Variants in L3MBTL3 observed in about 807,000 individuals in gnomAD.
L3MBTL3 encodes the protein lethal(3)malignant brain tumor-like protein 3.
In L3MBTL3, 27 loss-of-function variants were observed where a neutral mutation model predicts 102.3. The ratio of observed to expected loss-of-function variants is 0.26; its 90% CI spans 0.19 to 0.36. The LOEUF is 0.36. Ranked by LOEUF, L3MBTL3 falls within the 10% of genes least tolerant of loss-of-function variation. The probability of loss-of-function intolerance (pLI) is 1.00; values close to 1 mark genes in which losing one functional copy is unlikely to be tolerated. For missense variants in L3MBTL3, 798 were observed against 955.3 expected, an observed-to-expected ratio of 0.84 and a Z score of 2.17; for synonymous variants, 340 against 320.9, an observed-to-expected ratio of 1.06 and a Z score of -0.64.
At position 130,094,358 on chromosome 6, in the gene L3MBTL3, G is replaced by T; in HGVS notation, c.1727G>T (p.Gly576Val). 6.2e-7 allele frequency: 1 copy of T among 1,612,756 alleles called. No homozygotes were observed. Among genetic ancestry groups the T allele is most frequent in the African/African-American group, 1.3e-5 (1 of 75,008 alleles). The change falls in exon 18 of 23, where the codon GGC (glycine) becomes GTC (valine). Residue 576 changes from glycine (G) to valine (V), a missense_variant. By Grantham distance (109) the Gly-to-Val change is moderately radical. Coordinates refer to ENST00000361794, the MANE Select transcript of L3MBTL3 (RefSeq NM_032438.4). Reference sequence around the variant, plus strand: ...CATTTCAAGAGAGCGAGACATCTGGGCCCTCACAGGTATGTGGTAGCTGTC... The same window carrying T: ...CATTTCAAGAGAGCGAGACATCTGGTCCCTCACAGGTATGTGGTAGCTGTC... Reference protein sequence around the residue: ...IGHFKRARHLGPHSAANCPYS... With the variant: ...IGHFKRARHLVPHSAANCPYS...
intron 16 of L3MBTL3, among the ~76,000 whole-genome samples, chr6:130,086,452 T>C (rs1584401825): frequency 6.6e-6 from 1 of 152,354 alleles, no homozygotes. Flanking sequence ...TCTTTAGTTA[T>C]GAATGACTTA....
intron 10 of L3MBTL3, among the ~76,000 whole-genome samples, chr6:130,062,771 A>G (rs1781983584): frequency 6.6e-6 from 1 of 150,752 alleles, no homozygotes; most frequent in Non-Finnish European, 1.5e-5. Context: ...CTCATATTGA[A>G]CAACTGAGTG....
rs911501296 is a variant in L3MBTL3 at position 130,133,662 on chromosome 6, A to T, written c.2136+41A>T. On this transcript the variant is annotated intron_variant, in intron 21 of 22. Transcript: ENST00000361794. This position sits in a 1 kb window ranked among gnomAD's most constrained non-coding sequence, Gnocchi z 4.9. ...TTTGCTGCCCGACACCAGATACAGG[A>T]TTACTGGCTTAAGAGGTGTGGAACA... 11 of 1,605,048 alleles carry T rather than the reference A, an allele frequency of 6.9e-6. No individual in the cohort carries two copies. In the Middle Eastern group the frequency reaches 4.9e-4, roughly 72 times the overall value.
In L3MBTL3 at chr6:130,083,668, C is replaced by T; in HGVS notation, c.1370C>T (p.Thr457Ile). The change falls in exon 15 of 23, where the codon ACC becomes ATC. Residue 457 changes from threonine (T) to isoleucine (I), a missense_variant. Physicochemically the swap from Thr to Ile is moderately conservative, Grantham distance 89. This residue lies in a region of L3MBTL3 where 306 missense variants were observed against 314.4 expected (regional missense o/e 0.97). Coordinates refer to ENST00000361794, the MANE Select transcript of L3MBTL3 (RefSeq NM_032438.4). The stretch of plus-strand genomic sequence containing the variant: ...TCTTGGGATAAATACTTAGAAGAAA[C>T]CAATTCTTTACCTGCTCCTGCAAGA... ...HFSWDKYLEE[T>I]NSLPAPARAF... 6.5e-7 allele frequency: 1 copy of T among 1,547,374 alleles called. No homozygotes were observed. Among genetic ancestry groups the T allele is most frequent in the South Asian group, 1.2e-5 (1 of 82,940 alleles).
intron 18 of L3MBTL3, among the ~76,000 whole-genome samples, chr6:130,097,801 C>T (rs1784447152): frequency 6.6e-6 from 1 of 152,122 alleles, no homozygotes; most frequent in South Asian, 2.1e-4. Context: ...GGCGCAGTGG[C>T]TCATGTCTGT....
chr6:130,042,168 A>G (rs777881542), intron 2 of L3MBTL3, among the ~76,000 whole-genome samples: 9 of 152,216 alleles, frequency 5.9e-5, no homozygotes, highest in Non-Finnish European at 1.3e-4. Context: ...TAAAAAATGA[A>G]AATTAGAAAT....
At chr6:130,046,508 G>T (rs1261024636) in intron 3 of L3MBTL3, among the ~76,000 whole-genome samples, 1 of 152,172 alleles carries the variant, frequency 6.6e-6, no homozygotes, top group Non-Finnish European at 1.5e-5. Context: ...ATAAAAAAGA[G>T]AGTTGAATCA....
intron 10 of L3MBTL3, among the ~76,000 whole-genome samples, chr6:130,062,645 T>G (rs1324725474): frequency 6.6e-6 from 1 of 151,604 alleles, no homozygotes; most frequent in Non-Finnish European, 1.5e-5. Context: ...TCCTCCCATC[T>G]TGGCCTCCCA....
intron 19 of L3MBTL3, among the ~76,000 whole-genome samples, chr6:130,106,100 TTCA>T (rs576384780): frequency 1.0e-3 from 156 of 152,300 alleles, no homozygotes; most frequent in Middle Eastern, 3.4e-3. Flanking sequence ...TTGCACATAT[TTCA>T]TGTCTAAATA....
intron 2 of L3MBTL3, among the ~76,000 whole-genome samples, chr6:130,035,992 G>A (rs1474476350): frequency 8.0e-6 from 1 of 124,762 alleles, no homozygotes; most frequent in Non-Finnish European, 1.9e-5. Context: ...GTGTGTGTGT[G>A]TGTGTGTGTG....
intron 2 of L3MBTL3, among the ~76,000 whole-genome samples, chr6:130,027,119 T>C (rs750761764): frequency 5.3e-5 from 8 of 152,126 alleles, no homozygotes; most frequent in Non-Finnish European, 1.2e-4. Context: ...CATCGGGTGG[T>C]TTTGTATTGC....
chr6:130,049,720 C>A, intron 4 of L3MBTL3, 36 bp from the exon 5 acceptor site: 1 of 1,613,382 alleles, frequency 6.2e-7, no homozygotes, highest in East Asian at 2.2e-5. Flanking sequence ...GTAACTAACA[C>A]CTATATGCTG....
chr6:130,039,819 T>A (rs1780308036), intron 2 of L3MBTL3, among the ~76,000 whole-genome samples: 1 of 152,202 alleles, frequency 6.6e-6, no homozygotes, highest in Non-Finnish European at 1.5e-5. Context: ...TGGGTTGTTT[T>A]GCTTGAAGTA....
At chr6:130,121,004 A>AT (rs1490094717) in intron 20 of L3MBTL3, 46 bp downstream of exon 20, 1 of 1,184,804 alleles carries the variant, frequency 8.4e-7, no homozygotes, top group African/African-American at 1.5e-5. Context: ...TACTGCTAAT[A>AT]TGAAACAATC....
At chr6:130,119,124 A>G (rs1292775658) in intron 19 of L3MBTL3, among the ~76,000 whole-genome samples, 1 of 152,090 alleles carries the variant, frequency 6.6e-6, no homozygotes, top group East Asian at 1.9e-4. Flanking sequence ...GAAAATTTTG[A>G]CTTTTTAGCT....
intron 18 of L3MBTL3, among the ~76,000 whole-genome samples, chr6:130,096,564 T>A (rs1018417099): frequency 3.9e-5 from 6 of 152,194 alleles, no homozygotes; most frequent in African/African-American, 1.4e-4. Flanking sequence ...AGGACTGCTT[T>A]ACGTTTGAGT....
intron 18 of L3MBTL3, among the ~76,000 whole-genome samples, chr6:130,095,067 G>A (rs560064118): frequency 6.6e-6 from 1 of 152,214 alleles, no homozygotes; most frequent in South Asian, 2.1e-4. Context: ...GAAGTACTAA[G>A]AAATTCCTGT....
At chr6:130,046,749 C>T (rs2114731547) in intron 3 of L3MBTL3, among the ~76,000 whole-genome samples, 1 of 152,288 alleles carries the variant, frequency 6.6e-6, no homozygotes, top group African/African-American at 2.4e-5. Context: ...GTTAAAAGAA[C>T]TAATGATTTA....
intron 19 of L3MBTL3, among the ~76,000 whole-genome samples, chr6:130,105,701 A>G (rs1484488984): frequency 2.6e-5 from 4 of 152,086 alleles, no homozygotes; most frequent in Non-Finnish European, 5.9e-5. Context: ...TACAGGGTTC[A>G]TTGACTAAAA....
Sources: allele counts gnomAD v4.1 joint callset (sites outside exome capture counted in the v4.1 genomes callset), GRCh38; gene constraint gnomAD v4.1.1; regional missense constraint gnomAD v4.1.1; non-coding constraint Gnocchi (gnomAD v3.1); transcripts MANE v1.5; gene names NCBI Gene and HGNC (gene_info 2026-07-23, HGNC 2026-07-21).